Variants in KDM2B observed in about 807,000 individuals in gnomAD.
KDM2B encodes the protein lysine-specific demethylase 2B.
Under a neutral mutation model 150.0 loss-of-function variants are expected in KDM2B, and 26 were observed. The ratio of observed to expected loss-of-function variants is 0.17; its 90% CI spans 0.13 to 0.24. KDM2B has a LOEUF of 0.24. Among genes scored for constraint, KDM2B ranks in the 10% least tolerant of loss-of-function variants. The pLI is 1.00. For synonymous variants in KDM2B, 734 were observed against 729.5 expected (o/e 1.01, Z -0.10); for missense variants, 1,265 against 1,816.9 (o/e 0.70, Z 5.52).
chr12:121,539,992 G>A (rs1486185570), intron 6 of KDM2B, among the ~76,000 whole-genome samples: 1 of 151,984 alleles, frequency 6.6e-6, no homozygotes, highest in African/African-American at 2.4e-5. Context: ...CACCCACCTG[G>A]ACCTCCTAAA....
chr12:121,516,913 TA>T, intron 9 of KDM2B: 1 of 616,532 alleles, frequency 1.6e-6, no homozygotes, highest in Non-Finnish European at 2.8e-6. Context: ...AGTCCAATGG[TA>T]GGGGGAAGGG....
At chr12:121,483,281 T>TA (rs1211456374) in intron 12 of KDM2B, among the ~76,000 whole-genome samples, 2 of 144,940 alleles carry the variant, frequency 1.4e-5, no homozygotes, top group African/African-American at 2.6e-5. Context: ...TTTAAAAATA[T>TA]AAAAAAAACA....
intron 4 of KDM2B, among the ~76,000 whole-genome samples, chr12:121,557,199 T>C (rs1225168541): frequency 1.3e-5 from 2 of 151,592 alleles, no homozygotes; most frequent in African/African-American, 2.4e-5. Context: ...TGAGATCATA[T>C]GGGATTAGGG....
chr12:121,554,085 A>ACACACACACACACACAC (rs1594114542), intron 4 of KDM2B, among the ~76,000 whole-genome samples: 1 of 145,198 alleles, frequency 6.9e-6, no homozygotes, highest in African/African-American at 2.6e-5. Context: ...ACACACACAC[A>ACACACACACACACACAC]AATTGGCCAA....
intron 12 of KDM2B, among the ~76,000 whole-genome samples, chr12:121,490,968 A>C (rs968015295): frequency 4.6e-5 from 7 of 152,124 alleles, no homozygotes; most frequent in Admixed American, 6.6e-5. Context: ...AGCACCCTTG[A>C]TCTTTCACCC....
chr12:121,494,841 C>T (rs1271635896), intron 11 of KDM2B, among the ~76,000 whole-genome samples, 176 bp from the exon 12 acceptor site: 1 of 152,126 alleles, frequency 6.6e-6, no homozygotes, highest in Non-Finnish European at 1.5e-5. Flanking sequence ...CCCCTGGGGC[C>T]CACGAAACAC....
chr12:121,453,889 C>CAGCT lies in KDM2B; in HGVS notation c.1735-549_1735-546dup, dbSNP rs1298915955. Reference sequence around the variant, plus strand: ...GGCGCGTGCTTCTTGCCGCAGCACACAGCTCGAGACCTTCCATGGCTGCAC... The same window carrying CAGCT: ...GGCGCGTGCTTCTTGCCGCAGCACACAGCTAGCTCGAGACCTTCCATGGCTGCAC... On this transcript the variant is annotated intron_variant, in intron 12 of 22. Coordinates refer to ENST00000377071, the MANE Select transcript of KDM2B (RefSeq NM_032590.5). This position sits in a 1 kb window ranked among gnomAD's most constrained non-coding sequence, Gnocchi z 6.4. Among the ~76,000 whole-genome samples the CAGCT allele has an allele frequency of 6.6e-6, 1 of 152,204 alleles. No individual in the cohort carries two copies. The highest frequency in any genetic ancestry group is 1.5e-5 in the Non-Finnish European group (1 of 68,028).
intron 13 of KDM2B, among the ~76,000 whole-genome samples, chr12:121,446,162 A>G (rs189895815): frequency 1.7e-3 from 254 of 152,172 alleles, no homozygotes; most frequent in Middle Eastern, 6.8e-3. Flanking sequence ...TTGGGAGGCC[A>G]AGGCGGGCGG....
intron 4 of KDM2B, among the ~76,000 whole-genome samples, chr12:121,562,167 C>G (rs1439569841): frequency 1.3e-5 from 2 of 150,452 alleles, no homozygotes; most frequent in Non-Finnish European, 2.9e-5. Context: ...TTCCATGACT[C>G]TGTCTTGGGG....
chr12:121,421,843 C>T, the KDM2B span, among the ~76,000 whole-genome samples: 4 of 152,122 alleles, frequency 2.6e-5, no homozygotes, highest in Non-Finnish European at 5.9e-5. Flanking sequence ...CTTAAACAGC[C>T]CTCCCATCAT....
chr12:121,484,249 G>A (rs1248791755), intron 12 of KDM2B, among the ~76,000 whole-genome samples: 3 of 152,158 alleles, frequency 2.0e-5, no homozygotes, highest in Admixed American at 1.3e-4. Context: ...AGGTGCAACT[G>A]GAACGCGTCA....
intron 6 of KDM2B, among the ~76,000 whole-genome samples, chr12:121,546,905 A>G (rs1216553245): frequency 6.6e-6 from 1 of 151,426 alleles, no homozygotes; most frequent in African/African-American, 2.4e-5. Flanking sequence ...CATGTTGGCC[A>G]AGCTGGTGTC....
chr12:121,524,093 A>G (rs1886922374), intron 8 of KDM2B, among the ~76,000 whole-genome samples: 1 of 152,060 alleles, frequency 6.6e-6, no homozygotes, highest in Non-Finnish European at 1.5e-5. Flanking sequence ...ACCCGGGACC[A>G]CCGGGTCATG....
chr12:121,568,218 C>T (rs1890848048), intron 4 of KDM2B, among the ~76,000 whole-genome samples: 1 of 152,068 alleles, frequency 6.6e-6, no homozygotes, highest in Non-Finnish European at 1.5e-5. Flanking sequence ...CCTGTAACCC[C>T]AGCACTTTGG....
intron 22 of KDM2B, among the ~76,000 whole-genome samples, chr12:121,437,307 G>T (rs1261098089): frequency 6.6e-6 from 1 of 151,942 alleles, no homozygotes; most frequent in Admixed American, 6.6e-5. Context: ...GAGCAAGAAA[G>T]AAAATGTACT....
chr12:121,489,791 A>G (rs901756179), intron 12 of KDM2B, among the ~76,000 whole-genome samples: 2 of 152,124 alleles, frequency 1.3e-5, no homozygotes, highest in African/African-American at 4.8e-5. Flanking sequence ...AGCCTACTCA[A>G]TGTGCTACGT....
chr12:121,433,215 G>C, intron 22 of KDM2B: 1 of 456,676 alleles, frequency 2.2e-6, no homozygotes, highest in Non-Finnish European at 4.4e-6. Flanking sequence ...AAGCTAGAAG[G>C]AAAAGACTTT....
At chr12:121,524,058 C>T (rs570117063) in intron 8 of KDM2B, among the ~76,000 whole-genome samples, 20 of 152,280 alleles carry the variant, frequency 1.3e-4, no homozygotes, top group African/African-American at 4.8e-4. Context: ...TCCCCGTTAT[C>T]CTAGCAACAT....
chr12:121,434,224 T>C (rs782596886), intron 22 of KDM2B, among the ~76,000 whole-genome samples: 2 of 151,486 alleles, frequency 1.3e-5, no homozygotes, highest in Non-Finnish European at 2.9e-5. Context: ...AGGATAGACA[T>C]ATAGACCAAT....
Sources: gnomAD v4.1 joint callset for allele counts (sites outside exome capture counted in the v4.1 genomes callset) on GRCh38, gnomAD v4.1.1 for gene constraint, Gnocchi (gnomAD v3.1) non-coding constraint, MANE v1.5 for transcripts, NCBI Gene and HGNC (gene_info 2026-07-23, HGNC 2026-07-21) for gene names.